ZMYND11: variants seen among roughly 807,000 people sequenced by gnomAD.
ZMYND11 encodes zinc finger MYND domain-containing protein 11.
Under a neutral mutation model 84.9 loss-of-function variants are expected in ZMYND11, and 9 were observed. The observed-to-expected ratio is 0.11, with a 90% CI of 0.06 to 0.18. ZMYND11 has a LOEUF of 0.18. Ranked by LOEUF, ZMYND11 falls within the 10% of genes least tolerant of loss-of-function variation. The pLI is 1.00. For missense variants in ZMYND11, 409 were observed against 761.0 expected (o/e 0.54, Z 5.44); for synonymous variants, 250 against 244.1 (o/e 1.02, Z -0.23).
At chr10:143,784 A>G (rs564640615) in intron 1 of ZMYND11, among the ~76,000 whole-genome samples, 1 of 152,354 alleles carries the variant, frequency 6.6e-6, no homozygotes, top group African/African-American at 2.4e-5. Context: ...TTCTACAGTT[A>G]TAACTTTACG....
chr10:245,131 G>C (rs1951851304), intron 10 of ZMYND11, among the ~76,000 whole-genome samples: 2 of 152,160 alleles, frequency 1.3e-5, no homozygotes, highest in Non-Finnish European at 2.9e-5. Context: ...CTCTGCATTA[G>C]AGTTTAGTTT....
intron 1 of ZMYND11, among the ~76,000 whole-genome samples, chr10:153,798 G>A (rs1332948274): frequency 1.3e-5 from 2 of 152,200 alleles, no homozygotes; most frequent in Non-Finnish European, 2.9e-5. Flanking sequence ...TTATTTGCCA[G>A]TGTCGTTGTA....
intron 4 of ZMYND11, among the ~76,000 whole-genome samples, chr10:223,953 T>C (rs1290581762): frequency 6.6e-6 from 1 of 152,126 alleles, no homozygotes; most frequent in African/African-American, 2.4e-5. Context: ...ACTCTGTTTT[T>C]TTTTCAATGT....
chr10:154,105 C>T (rs1315108481), intron 1 of ZMYND11, among the ~76,000 whole-genome samples: 5 of 152,204 alleles, frequency 3.3e-5, no homozygotes, highest in Non-Finnish European at 7.3e-5. Flanking sequence ...AAGTTAGCCA[C>T]TTTTCTATAA....
chr10:200,236 TA>T (rs1423375279), intron 2 of ZMYND11, among the ~76,000 whole-genome samples: 5 of 15,654 alleles, frequency 3.2e-4, no homozygotes, highest in African/African-American at 5.0e-4. Flanking sequence ...ATAATATATA[TA>T]AAAATATATA....
intron 12 of ZMYND11, among the ~76,000 whole-genome samples, chr10:247,993 A>AT (rs991321368): frequency 1.3e-5 from 2 of 152,214 alleles, no homozygotes; most frequent in Admixed American, 1.3e-4. Context: ...TGAAGTAATT[A>AT]TAAGTTGACA....
At chr10:250,635 T>C (rs898080753) in intron 14 of ZMYND11, among the ~76,000 whole-genome samples, 1 of 152,234 alleles carries the variant, frequency 6.6e-6, no homozygotes, top group African/African-American at 2.4e-5. Flanking sequence ...TTTGTACTCT[T>C]CTTTAAGATG....
chr10:158,991 G>GGTTTTTTTTTTTTTT (rs1842354984), intron 1 of ZMYND11, among the ~76,000 whole-genome samples: 1 of 58,576 alleles, frequency 1.7e-5, no homozygotes, highest in Non-Finnish European at 3.3e-5. Context: ...TTTGTTTTTT[G>GGTTTTTTTTTTTTTT]TTTTTTTTTT....
chr10:213,383 T>C (rs1945606466), intron 3 of ZMYND11, among the ~76,000 whole-genome samples: 1 of 152,210 alleles, frequency 6.6e-6, no homozygotes, highest in African/African-American at 2.4e-5. Flanking sequence ...ATATATAGGA[T>C]GAATCACTTT....
chr10:208,856 C>A (rs558565354), intron 2 of ZMYND11, among the ~76,000 whole-genome samples: 112 of 152,270 alleles, frequency 7.4e-4, no homozygotes, highest in African/African-American at 2.7e-3. Context: ...TGAGGCATTA[C>A]TCCCCTGACT....
chr10:136,598 T>G (rs1232615703), intron 1 of ZMYND11, among the ~76,000 whole-genome samples: 1 of 152,150 alleles, frequency 6.6e-6, no homozygotes, highest in Non-Finnish European at 1.5e-5. Flanking sequence ...TGCTGCCATA[T>G]GAGCTGTGCG....
chr10:154,496 T>C (rs1841221283), intron 1 of ZMYND11, among the ~76,000 whole-genome samples: 1 of 152,196 alleles, frequency 6.6e-6, no homozygotes, highest in Admixed American at 6.5e-5. Context: ...AGGCAGAGCA[T>C]GGTCACGGAG....
chr10:220,441 A>T (rs1231987360), intron 3 of ZMYND11, among the ~76,000 whole-genome samples: 1 of 152,208 alleles, frequency 6.6e-6, no homozygotes, highest in Admixed American at 6.5e-5. Flanking sequence ...TATTAGCTGT[A>T]TAAAAAAAAG....
chr10:139,704 C>CTTTTT (rs67915368), intron 1 of ZMYND11, among the ~76,000 whole-genome samples: 73 of 80,260 alleles, frequency 9.1e-4, no homozygotes, highest in African/African-American at 2.6e-3. Context: ...ACACATGGTC[C>CTTTTT]TTTTTTTTTT....
chr10:138,908 A>G (rs537090325), intron 1 of ZMYND11, among the ~76,000 whole-genome samples: 5 of 152,292 alleles, frequency 3.3e-5, no homozygotes, highest in African/African-American at 4.8e-5. Context: ...CAGTGGCACA[A>G]TCTTGGCTCA....
intron 12 of ZMYND11, 22 bp from the exon 13 acceptor site, chr10:248,314 A>C: frequency 7.5e-6 from 12 of 1,606,740 alleles, no homozygotes; most frequent in Non-Finnish European, 9.4e-6. Context: ...TTTGGCGTCT[A>C]AACTCTTGTC....
chr10:193,221 A>G (rs1940891456), intron 2 of ZMYND11, among the ~76,000 whole-genome samples: 1 of 152,190 alleles, frequency 6.6e-6, no homozygotes, highest in Admixed American at 6.5e-5. Flanking sequence ...TGTGGTAGGT[A>G]AGGATCTACT....
Position 253,500 on chromosome 10 carries a change from A to C in ZMYND11, c.*1030A>C, listed in dbSNP as rs1240085860. 6.6e-6 allele frequency: 1 copy of C among 152,612 alleles called. No individual in the cohort carries two copies. The highest frequency in any genetic ancestry group is 6.5e-5 in the Admixed American group (1 of 15,274). The allele number at this position is 152,612 out of a possible 1,614,324, so 9.5% of individuals were successfully genotyped here. On this transcript the variant is annotated 3_prime_UTR_variant, in exon 15 of 15. Transcript: ENST00000381604. ...ACAGAATGAAGAATAATGCATGTTA[A>C]TTTTCTTGTATTAAAGATGCCGTGA...
At chr10:182,464 A>G (rs557642042) in intron 2 of ZMYND11, among the ~76,000 whole-genome samples, 4 of 152,104 alleles carry the variant, frequency 2.6e-5, no homozygotes, top group Non-Finnish European at 4.4e-5. Flanking sequence ...AAATTTATTT[A>G]CCTACCAGAT....
Sources: gnomAD v4.1 joint callset for allele counts (sites outside exome capture counted in the v4.1 genomes callset) on GRCh38, gnomAD v4.1.1 for gene constraint, MANE v1.5 for transcripts, NCBI Gene and HGNC (gene_info 2026-07-23, HGNC 2026-07-21) for gene names.